Variants in GUCY1A2 observed in about 807,000 individuals in gnomAD.
GUCY1A2 encodes the protein guanylate cyclase soluble subunit alpha-2.
In GUCY1A2, 27 loss-of-function variants were observed where a neutral mutation model predicts 63.5. The ratio of observed to expected loss-of-function variants is 0.43; its 90% CI spans 0.31 to 0.59. The LOEUF (loss-of-function observed/expected upper bound fraction) is 0.59. Ranked by LOEUF, GUCY1A2 falls within the 20% of genes least tolerant of loss-of-function variation. The pLI, the probability that GUCY1A2 is intolerant of heterozygous loss-of-function variation, is 0.11. For synonymous variants in GUCY1A2, 364 were observed against 343.5 expected, an observed-to-expected ratio of 1.06 and a Z score of -0.66; for missense variants, 768 against 913.3, an observed-to-expected ratio of 0.84 and a Z score of 2.05.
intron 4 of GUCY1A2, among the ~76,000 whole-genome samples, chr11:106,850,205 T>C (rs1435234184): frequency 6.6e-6 from 1 of 151,800 alleles, no homozygotes; most frequent in East Asian, 1.9e-4. Context: ...TAATCCATTT[T>C]TTCCCTTTTT....
intron 5 of GUCY1A2, among the ~76,000 whole-genome samples, chr11:106,805,448 G>T (rs1367345019): frequency 2.0e-5 from 3 of 152,006 alleles, no homozygotes; most frequent in African/African-American, 7.2e-5. Context: ...GTTTCACCAG[G>T]TTGGCCAGGC....
chr11:106,943,799 A>G (rs570772898), intron 3 of GUCY1A2, among the ~76,000 whole-genome samples: 1 of 152,280 alleles, frequency 6.6e-6, no homozygotes, highest in South Asian at 2.1e-4. Flanking sequence ...AAAACAGTAA[A>G]TTACATTATG....
intron 1 of GUCY1A2, among the ~76,000 whole-genome samples, chr11:107,005,783 A>C (rs1362999337): frequency 6.6e-6 from 1 of 152,152 alleles, no homozygotes; most frequent in African/African-American, 2.4e-5. Flanking sequence ...TCTGAAAGAG[A>C]ACATCTTTTA....
chr11:106,844,865 A>C (rs1859249806), intron 4 of GUCY1A2, among the ~76,000 whole-genome samples: 1 of 151,696 alleles, frequency 6.6e-6, no homozygotes, highest in Non-Finnish European at 1.5e-5. Flanking sequence ...ATATCACAGG[A>C]AAGCTTTTGC....
chr11:106,864,217 TAATAAG>T lies in GUCY1A2; in HGVS notation c.1207-53745_1207-53740del, dbSNP rs1258961090. Among the ~76,000 whole-genome samples the T allele has an allele frequency of 3.1e-5, 4 of 129,070 alleles. No homozygotes were observed. In the East Asian group the frequency reaches 9.5e-4, roughly 31 times the overall value. 84.7% of individuals were successfully genotyped at this position (129,070 alleles called of 152,430 possible). A position where few individuals can be genotyped will look rare whatever the true frequency, so the allele number is the denominator to read the frequency against. ...TATCCCAGAACTTAAAGTATAATAA[TAATAAG>T]AAGAAGAAGAAAGATAATGCCAGAC... On this transcript the variant is annotated intron_variant, in intron 4 of 7. Transcript: ENST00000526355.
At chr11:106,969,229 A>G (rs1386476576) in intron 3 of GUCY1A2, among the ~76,000 whole-genome samples, 2 of 152,216 alleles carry the variant, frequency 1.3e-5, no homozygotes, top group Non-Finnish European at 1.5e-5. Context: ...TGCTGTCAAA[A>G]GTACTTAAAA....
chr11:106,958,610 A>AT (rs1370679143), intron 3 of GUCY1A2, among the ~76,000 whole-genome samples: 141 of 63,302 alleles, frequency 2.2e-3, no homozygotes, highest in Middle Eastern at 0.012. Context: ...ACTGTTTAAT[A>AT]TAAAAAAAAA....
intron 4 of GUCY1A2, among the ~76,000 whole-genome samples, chr11:106,919,399 A>G (rs1445191873): frequency 6.6e-6 from 1 of 152,284 alleles, no homozygotes; most frequent in East Asian, 1.9e-4. Flanking sequence ...AAAAAAAGGT[A>G]TCTTGGTGAG....
At chr11:106,857,568 C>T (rs1434649682) in intron 4 of GUCY1A2, among the ~76,000 whole-genome samples, 1 of 152,168 alleles carries the variant, frequency 6.6e-6, no homozygotes, top group Non-Finnish European at 1.5e-5. Context: ...TAACTCCTCC[C>T]TCTATTGTAG....
chr11:106,917,127 C>T (rs1472917190), intron 4 of GUCY1A2, among the ~76,000 whole-genome samples: 1 of 145,596 alleles, frequency 6.9e-6, no homozygotes, highest in Non-Finnish European at 1.5e-5. Flanking sequence ...AAACAGAGCA[C>T]TGAGACTGGG....
intron 4 of GUCY1A2, among the ~76,000 whole-genome samples, chr11:106,931,942 G>T (rs1860608363): frequency 6.6e-6 from 1 of 151,994 alleles, no homozygotes; most frequent in Non-Finnish European, 1.5e-5. Context: ...TTATTGCACT[G>T]TATACTTACC....
chr11:106,692,995 TTTTG>T (rs1228480138), intron 7 of GUCY1A2, among the ~76,000 whole-genome samples: 2 of 152,194 alleles, frequency 1.3e-5, no homozygotes, highest in African/African-American at 4.8e-5. Context: ...TTGGAAAATC[TTTTG>T]TTTGTTTCAA....
At chr11:106,812,215 A>C (rs930084602) in intron 4 of GUCY1A2, among the ~76,000 whole-genome samples, 7 of 151,994 alleles carry the variant, frequency 4.6e-5, no homozygotes, top group African/African-American at 1.4e-4. Context: ...AAAAACCTTG[A>C]TAAGCTTAAT....
chr11:106,975,888 C>T (rs943293555), intron 3 of GUCY1A2, among the ~76,000 whole-genome samples: 2 of 152,118 alleles, frequency 1.3e-5, no homozygotes, highest in African/African-American at 2.4e-5. Context: ...CTCAGGTCCT[C>T]GTTTTTATTC....
At chr11:106,883,815 G>A (rs1005048204) in intron 4 of GUCY1A2, among the ~76,000 whole-genome samples, 1 of 152,046 alleles carries the variant, frequency 6.6e-6, no homozygotes, top group East Asian at 1.9e-4. Flanking sequence ...TTTGAGTCAG[G>A]TGTTGAAAGT....
At chr11:106,933,754 T>C (rs1035971916) in intron 4 of GUCY1A2, among the ~76,000 whole-genome samples, 2 of 152,154 alleles carry the variant, frequency 1.3e-5, no homozygotes, top group Admixed American at 6.5e-5. Context: ...CATGGAATAT[T>C]GTGCAACCAT....
rs577416020 is a variant in GUCY1A2 at position 106,759,731 on chromosome 11, C to T, written c.1836+16708G>A. 7.9e-5 allele frequency among the ~76,000 whole-genome samples: 12 copies of T among 152,224 alleles called. No individual in the cohort carries two copies. The East Asian group carries it at 2.1e-3, about 27-fold the overall frequency. On this transcript the variant is annotated intron_variant, in intron 6 of 7. Transcript: ENST00000526355. The stretch of plus-strand genomic sequence containing the variant: ...GGCAGATCACCTGAGGTAAGGAGTT[C>T]GAGACCAGCCTGCCCAACGTGGCGA...
At chr11:106,810,774 T>C (rs1858752489) in intron 4 of GUCY1A2, among the ~76,000 whole-genome samples, 1 of 152,220 alleles carries the variant, frequency 6.6e-6, no homozygotes, top group Non-Finnish European at 1.5e-5. Flanking sequence ...TACTCCAAGG[T>C]ACATCATGAA....
At chr11:107,016,008 T>A (rs561494712) in intron 1 of GUCY1A2, among the ~76,000 whole-genome samples, 2 of 152,346 alleles carry the variant, frequency 1.3e-5, no homozygotes, top group Admixed American at 6.5e-5. Context: ...AATAATGTAA[T>A]AAGTGATTTA....
Sources: allele counts gnomAD v4.1 joint callset (sites outside exome capture counted in the v4.1 genomes callset), GRCh38; gene constraint gnomAD v4.1.1; transcripts MANE v1.5; gene names NCBI Gene and HGNC (gene_info 2026-07-23, HGNC 2026-07-21).